The following RBPJ variants were observed in gnomAD, a reference collection of about 807,000 sequenced individuals.
The protein encoded by RBPJ is recombination signal binding protein for immunoglobulin kappa J region, also known as recombining binding protein suppressor of hairless.
RBPJ carries 9 observed loss-of-function variants against 67.8 expected under a neutral mutation model. The observed-to-expected ratio is 0.13, with a 90% CI of 0.08 to 0.23. The LOEUF (loss-of-function observed/expected upper bound fraction) is 0.23. Among genes scored for constraint, RBPJ ranks in the 10% least tolerant of loss-of-function variants. The pLI, the probability that RBPJ is intolerant of heterozygous loss-of-function variation, is 1.00. For synonymous variants in RBPJ, 198 were observed against 203.3 expected (o/e 0.97, Z 0.22); for missense variants, 305 against 595.6 (o/e 0.51, Z 5.08).
chr4:26,307,132 C>T (rs940774114), intron 1 of RBPJ, among the ~76,000 whole-genome samples: 1 of 152,140 alleles, frequency 6.6e-6, no homozygotes, highest in African/African-American at 2.4e-5. Flanking sequence ...AAATCATACC[C>T]TCCGAGGCAC....
chr4:26,137,059 C>T, the RBPJ span, among the ~76,000 whole-genome samples: 2 of 152,314 alleles, frequency 1.3e-5, no homozygotes, highest in African/African-American at 2.4e-5. Context: ...GGAAGAAGTG[C>T]CCCTGCCTTC....
At chr4:26,318,728 G>T (rs1722750812), upstream of RBPJ, among the ~76,000 whole-genome samples, 1 of 152,138 alleles carries the variant, frequency 6.6e-6, no homozygotes, top group South Asian at 2.1e-4. Context: ...GCCAGGCGCG[G>T]TGGCTCACAC....
intron 1 of RBPJ, among the ~76,000 whole-genome samples, chr4:26,199,174 G>A (rs1014409692): frequency 1.3e-5 from 2 of 152,166 alleles, no homozygotes; most frequent in African/African-American, 2.4e-5. Flanking sequence ...GGCCGGACAC[G>A]GTGGCTCATG....
At chr4:26,355,217 A>G (rs1242812133) in intron 1 of RBPJ, among the ~76,000 whole-genome samples, 1 of 152,056 alleles carries the variant, frequency 6.6e-6, no homozygotes, top group Non-Finnish European at 1.5e-5. Flanking sequence ...TGTGTACCAT[A>G]TGGCCCGACT....
the RBPJ span, among the ~76,000 whole-genome samples, chr4:26,124,365 G>T: frequency 1.9e-4 from 26 of 137,908 alleles, no homozygotes; most frequent in African/African-American, 6.6e-4. Flanking sequence ...CATCCAGGTC[G>T]CTGTGAATGC....
At chr4:26,335,894 A>C (rs529764567) in intron 1 of RBPJ, among the ~76,000 whole-genome samples, 1 of 152,142 alleles carries the variant, frequency 6.6e-6, no homozygotes, top group East Asian at 1.9e-4. Context: ...AAGTGCTGGG[A>C]TTACAGGCAT....
chr4:26,267,246 G>T (rs1465760424), intron 1 of RBPJ, among the ~76,000 whole-genome samples: 1 of 152,142 alleles, frequency 6.6e-6, no homozygotes, highest in Non-Finnish European at 1.5e-5. Flanking sequence ...AGAGTCTGGA[G>T]GGGGTGGGGC....
chr4:26,255,089 G>A lies in RBPJ; in HGVS notation c.-167+91475G>A, dbSNP rs184661469. On this transcript the variant is annotated intron_variant, in intron 1 of 4. Transcript: ENST00000512351. ...TGCTATATAAACACTTCTGTTACACGTATAACATATCCTGCCCTAGAATGT... is the reference window on the plus strand; with the variant it reads ...TGCTATATAAACACTTCTGTTACACATATAACATATCCTGCCCTAGAATGT... Among the ~76,000 whole-genome samples, 249 of 145,092 alleles carry A rather than the reference G, an allele frequency of 1.7e-3. 1 individual carries two copies. Among genetic ancestry groups the A allele is most frequent in the African/African-American group, 5.3e-3 (205 of 38,618 alleles).
chr4:26,280,897 A>C (rs1318404353), intron 1 of RBPJ, among the ~76,000 whole-genome samples: 2 of 152,146 alleles, frequency 1.3e-5, no homozygotes, highest in African/African-American at 4.8e-5. Context: ...TTGAAAGGTA[A>C]CTCTTTAAAA....
intron 2 of RBPJ, among the ~76,000 whole-genome samples, chr4:26,403,074 T>C (rs1448861064): frequency 6.6e-6 from 1 of 152,198 alleles, no homozygotes; most frequent in Non-Finnish European, 1.5e-5. Flanking sequence ...TAGAAATAAC[T>C]AAAAAGTAAA....
At chr4:26,319,698 T>G (rs917257449), upstream of RBPJ, 15 of 694,894 alleles carry the variant, frequency 2.2e-5, no homozygotes, top group African/African-American at 7.1e-5. Context: ...AGCGTGAGAC[T>G]GGACTGCCCG....
chr4:26,118,801 A>G, the RBPJ span, among the ~76,000 whole-genome samples: 25 of 152,216 alleles, frequency 1.6e-4, no homozygotes, highest in Non-Finnish European at 3.2e-4. Context: ...ACTCCCAAGA[A>G]AAAGGTATTC....
In RBPJ at chr4:26,430,047, C is replaced by T. The variant is rs1577680532; in HGVS notation, c.1038C>T (p.Ser346=). 34 of 1,614,018 alleles carry T rather than the reference C, an allele frequency of 2.1e-5. No homozygotes were observed. Among genetic ancestry groups the T allele is most frequent in the Non-Finnish European group, 2.9e-5 (34 of 1,179,966 alleles). ...APVTPVPVVE[S]LQLNGGGDVA... Reference sequence around the variant, plus strand: ...TCACTCCTGTGCCTGTGGTAGAGAGCCTTCAGGTGAGAACGCCTAGTCCAA... The same window carrying T: ...TCACTCCTGTGCCTGTGGTAGAGAGTCTTCAGGTGAGAACGCCTAGTCCAA... Residue 346 remains serine, a synonymous_variant, in exon 9 of 11, where the codon AGC becomes AGT. Transcript: ENST00000355476. This position sits in a 1 kb window ranked among gnomAD's most constrained non-coding sequence, Gnocchi z 4.1.
chr4:26,135,319 C>T, the RBPJ span, among the ~76,000 whole-genome samples: 5 of 152,144 alleles, frequency 3.3e-5, no homozygotes, highest in African/African-American at 1.2e-4. Flanking sequence ...CCCCTCATTT[C>T]ACCCTCACCA....
the RBPJ span, chr4:26,112,290 G>GA: frequency 6.5e-6 from 1 of 153,366 alleles, no homozygotes; most frequent in Admixed American, 6.5e-5. Context: ...TGACTTGTGT[G>GA]AAATGAGTTT....
intron 2 of RBPJ, among the ~76,000 whole-genome samples, chr4:26,400,335 C>T (rs1474608379): frequency 6.6e-6 from 1 of 152,184 alleles, no homozygotes; most frequent in East Asian, 1.9e-4. Flanking sequence ...CTGGCACCTG[C>T]AGGGTAAAAG....
At chr4:26,194,090 A>T (rs950096386) in intron 1 of RBPJ, among the ~76,000 whole-genome samples, 2 of 152,238 alleles carry the variant, frequency 1.3e-5, no homozygotes, top group Non-Finnish European at 1.5e-5. Flanking sequence ...AGACACGGGT[A>T]ATAGCATTTG....
chr4:26,390,598 T>C (rs1443285098), intron 2 of RBPJ, among the ~76,000 whole-genome samples: 1 of 152,170 alleles, frequency 6.6e-6, no homozygotes, highest in Non-Finnish European at 1.5e-5. Flanking sequence ...TGATGAGCAA[T>C]GGGAAATTGG....
chr4:26,147,618 CT>C, the RBPJ span, among the ~76,000 whole-genome samples: 15 of 151,780 alleles, frequency 9.9e-5, no homozygotes, highest in South Asian at 4.2e-4. Flanking sequence ...ATAAGAAAAA[CT>C]TTTTTTTTCT....
Sources: allele counts gnomAD v4.1 joint callset (sites outside exome capture counted in the v4.1 genomes callset), GRCh38; gene constraint gnomAD v4.1.1; non-coding constraint Gnocchi (gnomAD v3.1); transcripts MANE v1.5; gene names NCBI Gene and HGNC (gene_info 2026-07-23, HGNC 2026-07-21).